SLC31A2: variants seen among roughly 807,000 people sequenced by gnomAD.
The protein encoded by SLC31A2 is solute carrier family 31 member 2.
A neutral mutation model predicts 14.4 loss-of-function variants in SLC31A2; 16 were observed. That is an observed-to-expected ratio of 1.11 (90% CI 0.75 to 1.69). SLC31A2 has a LOEUF of 1.69. SLC31A2 is among the 40% of genes most tolerant of loss of function. SLC31A2 has a pLI of 0.00. For synonymous variants in SLC31A2, 56 were observed against 68.7 expected (o/e 0.82, Z 0.91); for missense variants, 140 against 173.9 (o/e 0.81, Z 1.10).
intron 2 of SLC31A2, among the ~76,000 whole-genome samples, chr9:113,160,818 C>T (rs10981660): frequency 0.067 from 10,187 of 152,242 alleles, 424 homozygotes; most frequent in South Asian, 0.13. Flanking sequence ...AAAGACACCA[C>T]TTGACAGCGT....
chr9:113,154,661 G>A (rs1439594160), intron 1 of SLC31A2, among the ~76,000 whole-genome samples: 2 of 152,088 alleles, frequency 1.3e-5, no homozygotes, highest in African/African-American at 4.8e-5. Flanking sequence ...GCTCATGATT[G>A]GCCTGTGGTT....
chr9:113,155,113 C>T (rs917921918), intron 1 of SLC31A2, among the ~76,000 whole-genome samples: 6 of 152,170 alleles, frequency 3.9e-5, no homozygotes, highest in Non-Finnish European at 7.3e-5. Context: ...TCTAGTATTG[C>T]ACAAGAAAGT....
In SLC31A2 at chr9:113,151,095, C is replaced by G. The variant is rs993242674; in HGVS notation, c.6+15C>G. 3 of 1,305,238 alleles carry G rather than the reference C, an allele frequency of 2.3e-6. No individual in the cohort carries two copies. Among genetic ancestry groups the G allele is most frequent in the Non-Finnish European group, 2.9e-6 (3 of 1,018,904 alleles). The allele number at this position is 1,305,238 out of a possible 1,614,324, so 80.9% of individuals were successfully genotyped here. A position where few individuals can be genotyped will look rare whatever the true frequency, so the allele number is the denominator to read the frequency against. On this transcript the variant is annotated intron_variant, in intron 1 of 3. Coordinates refer to ENST00000259392, the MANE Select transcript of SLC31A2 (RefSeq NM_001860.3). The surrounding 1 kb of genome is among the most constrained non-coding windows in gnomAD (Gnocchi z 4.2). Reference sequence around the variant, plus strand: ...TCACCATGGCGGTAAGGGCCGGGCGCTACGGTGAAGAGGGTGGGCGGTTGG... The same window carrying G: ...TCACCATGGCGGTAAGGGCCGGGCGGTACGGTGAAGAGGGTGGGCGGTTGG...
At chr9:113,155,860 C>A (rs553624679) in intron 1 of SLC31A2, 14 of 321,258 alleles carry the variant, frequency 4.4e-5, no homozygotes, top group Non-Finnish European at 6.4e-5. Flanking sequence ...CCCCAGCTCC[C>A]CTCGGAGGAA....
At chr9:113,157,654 G>A (rs1829950593) in intron 1 of SLC31A2, 73 bp from the exon 2 acceptor site, 4 of 1,246,646 alleles carry the variant, frequency 3.2e-6, no homozygotes, top group Non-Finnish European at 1.2e-6. Context: ...CCCAGAGGAG[G>A]TGCTGGAGAG....
intron 2 of SLC31A2, 108 bp downstream of exon 2, chr9:113,157,901 C>G: frequency 1.2e-6 from 1 of 811,608 alleles, no homozygotes; most frequent in Non-Finnish European, 2.1e-6. Context: ...GAGGCTGATT[C>G]CTCTGGCATA....
rs1829856768 is a variant in SLC31A2 at position 113,151,071 on chromosome 9, C to T, written c.-4C>T. 1.5e-6 allele frequency: 2 copies of T among 1,307,948 alleles called. No individual in the cohort carries two copies. The highest frequency in any genetic ancestry group is 5.8e-5 in the South Asian group (2 of 34,598). The allele number at this position is 1,307,948 out of a possible 1,614,324, so 81.0% of individuals were successfully genotyped here. The stretch of plus-strand genomic sequence containing the variant: ...GGCCCTGGCGCCCGCCCTGCGCACT[C>T]ACCATGGCGGTAAGGGCCGGGCGCT... On this transcript the variant is annotated 5_prime_UTR_variant, in exon 1 of 4. Coordinates refer to ENST00000259392, the MANE Select transcript of SLC31A2 (RefSeq NM_001860.3). The surrounding 1 kb of genome is among the most constrained non-coding windows in gnomAD (Gnocchi z 4.2).
At position 113,162,875 on chromosome 9, in the gene SLC31A2, T is replaced by C. The variant is rs548766436; in HGVS notation, c.390T>C (p.Ala130=). The change falls in exon 4 of 4, where the codon GCT becomes GCC. Residue 130 remains alanine (A), a synonymous_variant. Coordinates refer to ENST00000259392, the MANE Select transcript of SLC31A2 (RefSeq NM_001860.3). ...TCCTTGGTGTGGTCTTGGGCTCTGC[T>C]GTGGGCTACTACCTAGCTTACCCAC... ...WIFLGVVLGS[A]VGYYLAYPLL... is the part of the protein sequence containing the mutation. The C allele has an allele frequency of 3.1e-6, 5 of 1,613,240 alleles. No individual in the cohort carries two copies. Among genetic ancestry groups the C allele is most frequent in the African/African-American group, 2.7e-5 (2 of 75,042 alleles).
At position 113,151,565 on chromosome 9, in the gene SLC31A2, G is replaced by T. The variant is rs1173010881; in HGVS notation, c.6+485G>T. The T allele has an allele frequency of 6.4e-6, 1 of 156,452 alleles. No homozygotes were observed. The highest frequency in any genetic ancestry group is 2.4e-5 in the African/African-American group (1 of 41,458). 9.7% of individuals were successfully genotyped at this position (156,452 alleles called of 1,614,324 possible). A position where few individuals can be genotyped will look rare whatever the true frequency, so the allele number is the denominator to read the frequency against. The stretch of plus-strand genomic sequence containing the variant: ...TCAAGTTTGTAGCCTGATTCTTCGG[G>T]GAATAAAACAGAACCAGCTACTTTC... On this transcript the variant is annotated intron_variant, in intron 1 of 3. Transcript: ENST00000259392. The surrounding 1 kb of genome is among the most constrained non-coding windows in gnomAD (Gnocchi z 4.2).
rs1829870177 is a variant in SLC31A2, at chr9:113,151,804, T to G, written c.6+724T>G. 6.6e-6 allele frequency: 1 copy of G among 152,080 alleles called. No individual in the cohort carries two copies. 9.4% of individuals were successfully genotyped at this position (152,080 alleles called of 1,614,324 possible). On this transcript the variant is annotated intron_variant, in intron 1 of 3. Transcript: ENST00000259392. This position sits in a 1 kb window ranked among gnomAD's most constrained non-coding sequence, Gnocchi z 4.2. ...TAGCTAGACCCCGTCTCTACAAAAA[T>G]TAGCCACAAGTGGTGGCAGGCGCCT...
In SLC31A2 at chr9:113,162,877, T is replaced by A; in HGVS notation, c.392T>A (p.Val131Glu). Residue 131 changes from valine (V) to glutamate (E), a missense_variant, in exon 4 of 4, where the codon GTG becomes GAG. Transcript: ENST00000259392. ...IFLGVVLGSA[V>E]GYYLAYPLLS... ...CTTGGTGTGGTCTTGGGCTCTGCTG[T>A]GGGCTACTACCTAGCTTACCCACTT... The A allele has an allele frequency of 6.2e-7, 1 of 1,613,208 alleles. No individual in the cohort carries two copies. The highest frequency in any genetic ancestry group is 1.7e-5 in the Admixed American group (1 of 59,998).
intron 1 of SLC31A2, chr9:113,152,025 G>A (rs1354330460): frequency 1.3e-5 from 2 of 152,174 alleles, no homozygotes; most frequent in East Asian, 1.9e-4. Flanking sequence ...TTTAAAAAGG[G>A]AAATAGATGG....
intron 2 of SLC31A2, among the ~76,000 whole-genome samples, chr9:113,159,701 ATCCCACAAGTTAAGGGTACAG>A (rs1386943929): frequency 1.3e-5 from 2 of 152,160 alleles, no homozygotes; most frequent in Non-Finnish European, 2.9e-5. Flanking sequence ...GTTAGTGCAG[ATCCCACAAGTTAAGGGTACAG>A]TCCCACAAGG....
chr9:113,154,636 G>A (rs1433338921), intron 1 of SLC31A2, among the ~76,000 whole-genome samples: 4 of 152,176 alleles, frequency 2.6e-5, no homozygotes, highest in African/African-American at 4.8e-5. Context: ...ACACTAAGCC[G>A]CTTGCCAGTG....
Position 113,151,176 on chromosome 9 carries a change from C to G in SLC31A2, c.6+96C>G. 8.3e-7 allele frequency: 1 copy of G among 1,211,198 alleles called. No homozygotes were observed. Among genetic ancestry groups the G allele is most frequent in the Non-Finnish European group, 1.1e-6 (1 of 950,800 alleles). The allele number at this position is 1,211,198 out of a possible 1,614,324, so 75.0% of individuals were successfully genotyped here. ...ACCCCGAATCCTCGCTGCCGCTGGCCCGGGGCTGGTGAAGGGTGTGTTGGC... is the reference window on the plus strand; with the variant it reads ...ACCCCGAATCCTCGCTGCCGCTGGCGCGGGGCTGGTGAAGGGTGTGTTGGC... On this transcript the variant is annotated intron_variant, in intron 1 of 3. Transcript: ENST00000259392. This position sits in a 1 kb window ranked among gnomAD's most constrained non-coding sequence, Gnocchi z 4.2.
chr9:113,154,813 C>T (rs1338528400), intron 1 of SLC31A2, among the ~76,000 whole-genome samples: 6 of 152,230 alleles, frequency 3.9e-5, no homozygotes, highest in African/African-American at 1.4e-4. Context: ...GCTGTTGTCC[C>T]TGGGCTCTGG....
rs59571100 is a variant in SLC31A2, at chr9:113,156,136, C to T, written c.7-1591C>T. Reference sequence around the variant, plus strand: ...ATCAAATCTGCCTACCTTTCCACCCCCACACTGACGTTTGCCTCCACCGGA... The same window carrying T: ...ATCAAATCTGCCTACCTTTCCACCCTCACACTGACGTTTGCCTCCACCGGA... On this transcript the variant is annotated intron_variant, in intron 1 of 3. Transcript: ENST00000259392. The T allele has an allele frequency of 7.9e-3, 4,096 of 518,278 alleles. 136 individuals are homozygous for T. The highest frequency in any genetic ancestry group is 0.069 in the African/African-American group (3,596 of 51,990). 32.1% of individuals were successfully genotyped at this position (518,278 alleles called of 1,614,324 possible). A position where few individuals can be genotyped will look rare whatever the true frequency, so the allele number is the denominator to read the frequency against.
chr9:113,156,585 A>G (rs912193376), intron 1 of SLC31A2, among the ~76,000 whole-genome samples: 2 of 152,184 alleles, frequency 1.3e-5, no homozygotes, highest in African/African-American at 2.4e-5. Flanking sequence ...GGCTTCCACT[A>G]GCTGATTACA....
At position 113,162,899 on chromosome 9, in the gene SLC31A2, A is replaced by C. The variant is rs201396206; in HGVS notation, c.414A>C (p.Pro138=). The C allele has an allele frequency of 1.9e-6, 3 of 1,609,894 alleles. No homozygotes were observed. The highest frequency in any genetic ancestry group is 2.5e-6 in the Non-Finnish European group (3 of 1,178,518). The change falls in exon 4 of 4, where the codon CCA becomes CCC. Residue 138 remains proline (P), a synonymous_variant. Transcript: ENST00000259392. ...CTGTGGGCTACTACCTAGCTTACCC[A>C]CTTCTCAGCACAGCTTAGCTGGTGA... The part of the protein sequence containing the change: ...GSAVGYYLAY[P]LLSTA
Sources: gnomAD v4.1 joint callset for allele counts (sites outside exome capture counted in the v4.1 genomes callset) on GRCh38, gnomAD v4.1.1 for gene constraint, Gnocchi (gnomAD v3.1) non-coding constraint, MANE v1.5 for transcripts, NCBI Gene and HGNC (gene_info 2026-07-23, HGNC 2026-07-21) for gene names.